Variants in TGFB2 observed in about 807,000 individuals in gnomAD.
TGFB2 encodes the protein transforming growth factor beta 2, also known as transforming growth factor beta-2 proprotein.
A neutral mutation model predicts 42.7 loss-of-function variants in TGFB2; 13 were observed. The ratio of observed to expected loss-of-function variants is 0.30; its 90% confidence interval spans 0.20 to 0.48. The LOEUF is 0.48. Among genes scored for constraint, TGFB2 ranks in the 20% least tolerant of loss-of-function variants. The pLI is 0.99. For synonymous variants in TGFB2, 193 were observed against 193.6 expected, an observed-to-expected ratio of 1.00 and a Z score of 0.03; for missense variants, 390 against 517.5, an observed-to-expected ratio of 0.75 and a Z score of 2.39.
chr1:218,358,716 T>G (rs1657117501), intron 1 of TGFB2, among the ~76,000 whole-genome samples: 1 of 151,826 alleles, frequency 6.6e-6, no homozygotes, highest in Non-Finnish European at 1.5e-5. Context: ...GCCCAGCTAA[T>G]TTTTTTTAGT....
In TGFB2 at chr1:218,346,455, G is replaced by A; in HGVS notation, c.-247G>A. On this transcript the variant is annotated 5_prime_UTR_variant, in exon 1 of 7. Coordinates refer to ENST00000366930, the MANE Select transcript of TGFB2 (RefSeq NM_003238.6). The surrounding 1 kb of genome is among the most constrained non-coding windows in gnomAD (Gnocchi z 4.9). Reference sequence around the variant, plus strand: ...TTTTCTTCTTACTCGCCAAAGTCAGGGTTCCCTCTGCCCGTCCCGTATTAA... The same window carrying A: ...TTTTCTTCTTACTCGCCAAAGTCAGAGTTCCCTCTGCCCGTCCCGTATTAA... The A allele has an allele frequency of 2.4e-6, 1 of 411,118 alleles. No homozygotes were observed. Among genetic ancestry groups the A allele is most frequent in the Non-Finnish European group, 4.2e-6 (1 of 235,930 alleles). The allele number at this position is 411,118 out of a possible 1,614,324, so 25.5% of individuals were successfully genotyped here.
chr1:218,440,849 A>T (rs925081089), intron 6 of TGFB2, among the ~76,000 whole-genome samples: 1 of 152,196 alleles, frequency 6.6e-6, no homozygotes, highest in Non-Finnish European at 1.5e-5. Flanking sequence ...TGCTATAAGG[A>T]TCAAGTTTTG....
At position 218,441,364 on chromosome 1, in the gene TGFB2, A is replaced by G. The variant is rs779799713; in HGVS notation, c.*2A>G. ...GTAAAGTCTTGCAAATGCAGCTAAA[A>G]TTCTTGGAAAAGTGGCAAGACCAAA... On this transcript the variant is annotated 3_prime_UTR_variant, in exon 7 of 7. Transcript: ENST00000366930. 1.6e-5 allele frequency: 25 copies of G among 1,597,108 alleles called. No homozygotes were observed. Among genetic ancestry groups the G allele is most frequent in the Non-Finnish European group, 2.0e-5 (23 of 1,175,766 alleles).
intron 1 of TGFB2, among the ~76,000 whole-genome samples, chr1:218,404,311 C>A (rs1302651855): frequency 6.6e-6 from 1 of 152,160 alleles, no homozygotes; most frequent in Non-Finnish European, 1.5e-5. Flanking sequence ...CAGGGTTTTG[C>A]CATGTTGGCC....
intron 2 of TGFB2, among the ~76,000 whole-genome samples, chr1:218,427,543 T>C (rs1659664159): frequency 6.6e-6 from 1 of 152,168 alleles, no homozygotes; most frequent in Admixed American, 6.5e-5. Flanking sequence ...GTCCAAGTGT[T>C]CTCATTGTTC....
At chr1:218,406,611 C>G (rs554494524) in intron 2 of TGFB2, among the ~76,000 whole-genome samples, 1 of 152,076 alleles carries the variant, frequency 6.6e-6, no homozygotes, top group Admixed American at 6.5e-5. Context: ...AGGGTATAGG[C>G]GGGGAAATTT....
At chr1:218,410,488 C>T (rs1033999634) in intron 2 of TGFB2, among the ~76,000 whole-genome samples, 5 of 152,184 alleles carry the variant, frequency 3.3e-5, no homozygotes, top group African/African-American at 1.2e-4. Flanking sequence ...TTCTTTCCTG[C>T]TTTCTCTAAC....
At chr1:218,415,414 G>C (rs1000364489) in intron 2 of TGFB2, among the ~76,000 whole-genome samples, 8 of 151,970 alleles carry the variant, frequency 5.3e-5, no homozygotes, top group African/African-American at 1.9e-4. Context: ...AGATGAGCAG[G>C]CCGGGCGCGG....
At chr1:218,354,121 T>C (rs1325292076) in intron 1 of TGFB2, among the ~76,000 whole-genome samples, 1 of 152,208 alleles carries the variant, frequency 6.6e-6, no homozygotes, top group East Asian at 1.9e-4. Flanking sequence ...AGAAATCAAG[T>C]CTAACTTATC....
At chr1:218,392,197 G>C (rs1658337041) in intron 1 of TGFB2, among the ~76,000 whole-genome samples, 1 of 152,044 alleles carries the variant, frequency 6.6e-6, no homozygotes. Context: ...AAAAAAATAA[G>C]AATAAAATAG....
chr1:218,402,726 GT>G (rs748275856), intron 1 of TGFB2, among the ~76,000 whole-genome samples: 4 of 152,162 alleles, frequency 2.6e-5, no homozygotes, highest in Admixed American at 6.5e-5. Flanking sequence ...TGAATGAGAT[GT>G]TTACTCTTCC....
intron 2 of TGFB2, among the ~76,000 whole-genome samples, chr1:218,413,422 T>C (rs955737204): frequency 1.3e-5 from 2 of 152,170 alleles, no homozygotes; most frequent in African/African-American, 4.8e-5. Context: ...AGAAATGTGC[T>C]GAGGTGAATT....
intron 1 of TGFB2, among the ~76,000 whole-genome samples, chr1:218,384,320 AGG>A (rs201475523): frequency 0.014 from 2,104 of 152,324 alleles, 52 homozygotes; most frequent in African/African-American, 0.047. Flanking sequence ...AAGCGTTAGC[AGG>A]TATGTGGGAT....
chr1:218,387,751 AC>A (rs1490054786), intron 1 of TGFB2, among the ~76,000 whole-genome samples: 4 of 152,074 alleles, frequency 2.6e-5, no homozygotes. Flanking sequence ...TTCCCACCTG[AC>A]CTTTTTGTTT....
intron 1 of TGFB2, among the ~76,000 whole-genome samples, chr1:218,389,029 G>A (rs781014889): frequency 6.6e-5 from 10 of 152,122 alleles, no homozygotes; most frequent in East Asian, 1.9e-4. Context: ...GAAGATGAGC[G>A]TTGGATTAGC....
chr1:218,377,844 T>A (rs142511684), intron 1 of TGFB2, among the ~76,000 whole-genome samples: 9 of 152,342 alleles, frequency 5.9e-5, no homozygotes, highest in Middle Eastern at 3.4e-3. Context: ...TCTTCTTTCT[T>A]ACTAATATAA....
chr1:218,396,455 G>A (rs955578269), intron 1 of TGFB2, among the ~76,000 whole-genome samples: 1 of 152,004 alleles, frequency 6.6e-6, no homozygotes, highest in Non-Finnish European at 1.5e-5. Context: ...GGGACAGACT[G>A]CGCCTTGTGA....
chr1:218,421,954 C>G (rs1295997700), intron 2 of TGFB2, among the ~76,000 whole-genome samples: 1 of 152,136 alleles, frequency 6.6e-6, no homozygotes, highest in South Asian at 2.1e-4. Context: ...TCCCTGGAGG[C>G]GTCAGAGAGA....
rs1389939057 is a variant in TGFB2, at chr1:218,378,182, T to C, written c.347-26987T>C. On this transcript the variant is annotated intron_variant, in intron 1 of 6. Transcript: ENST00000366930. ...ATTTATTTATTTATTTATTTATTTA[T>C]TTATTTAAGATGGAGTCTTGCTCTG... is the stretch of plus-strand genomic sequence containing the variant. 4.6e-5 allele frequency among the ~76,000 whole-genome samples: 5 copies of C among 109,138 alleles called. No individual in the cohort carries two copies. In the East Asian group the frequency reaches 7.3e-4, roughly 16 times the overall value. 71.6% of individuals were successfully genotyped at this position (109,138 alleles called of 152,430 possible).
Sources: allele counts gnomAD v4.1 joint callset (sites outside exome capture counted in the v4.1 genomes callset), GRCh38; gene constraint gnomAD v4.1.1; non-coding constraint Gnocchi (gnomAD v3.1); transcripts MANE v1.5; gene names NCBI Gene and HGNC (gene_info 2026-07-23, HGNC 2026-07-21).